The following FGD1 variants were observed in gnomAD, a reference collection of about 807,000 sequenced individuals.
FGD1 encodes the protein FYVE, RhoGEF and PH domain containing 1.
FGD1 carries 12 observed loss-of-function variants against 65.0 expected under a neutral mutation model. That is an observed-to-expected ratio of 0.18 (90% CI 0.12 to 0.30). The LOEUF (loss-of-function observed/expected upper bound fraction) is 0.30, where lower values mean the gene tolerates loss of function less well. Among genes scored for constraint, FGD1 ranks in the 10% least tolerant of loss-of-function variants. The probability of loss-of-function intolerance (pLI) is 1.00; values close to 1 mark genes in which losing one functional copy is unlikely to be tolerated. For missense variants in FGD1, 542 were observed against 837.6 expected (o/e 0.65, Z 4.36); for synonymous variants, 333 against 343.9 (o/e 0.97, Z 0.35).
At position 54,465,200 on chromosome X, in the gene FGD1, G is replaced by C. The variant is rs6521766; in HGVS notation, c.1636+251C>G. 0.081 allele frequency among the ~76,000 whole-genome samples: 8,513 copies of C among 105,104 alleles called. 703 individuals carry two copies. The highest frequency in any genetic ancestry group is 0.25 in the African/African-American group (7,258 of 29,019). 91.3% of individuals were successfully genotyped at this position (105,104 alleles called of 115,157 possible). Reference sequence around the variant, plus strand: ...TCTGAATGTTCTCTACAGGTATTCAGGCAGGGGTCTCAACTTAGAGGTCCC... The same window carrying C: ...TCTGAATGTTCTCTACAGGTATTCACGCAGGGGTCTCAACTTAGAGGTCCC... On this transcript the variant is annotated intron_variant, in intron 8 of 17. Transcript: ENST00000375135.
intron 13 of FGD1, among the ~76,000 whole-genome samples, 163 bp downstream of exon 13, chrX:54,450,108 C>T (rs1922343603): frequency 8.9e-6 from 1 of 111,801 alleles, no homozygotes; most frequent in Admixed American, 9.5e-5. Context: ...TCAACCTCTG[C>T]ACCTCAGTTT....
At chrX:54,486,140 G>T (rs896001061) in intron 1 of FGD1, among the ~76,000 whole-genome samples, 1 of 110,656 alleles carries the variant, frequency 9.0e-6, no homozygotes, top group Non-Finnish European at 1.9e-5. Context: ...AGGCTGGAGC[G>T]CAGTGGCACA....
chrX:54,472,273 G>A lies in FGD1; in HGVS notation c.308-786C>T, dbSNP rs780368519. ...AGCCTGGACAAAAGAGCAAGACGCT[G>A]TCTCAAGAAAAAAAAAAAAAAGAAG... On this transcript the variant is annotated intron_variant, in intron 1 of 17. Transcript: ENST00000375135. Among the ~76,000 whole-genome samples the A allele has an allele frequency of 3.1e-4, 31 of 100,606 alleles. No individual in the cohort carries two copies. In the Admixed American group the frequency reaches 3.3e-3, roughly 11 times the overall value. 87.4% of individuals were successfully genotyped at this position (100,606 alleles called of 115,157 possible). A position where few individuals can be genotyped will look rare whatever the true frequency, so the allele number is the denominator to read the frequency against.
At chrX:54,454,771 T>C (rs1295526962) in intron 12 of FGD1, among the ~76,000 whole-genome samples, 1 of 111,540 alleles carries the variant, frequency 9.0e-6, no homozygotes, top group African/African-American at 3.3e-5. Flanking sequence ...TATATGTGTA[T>C]GTATGTATAT....
chrX:54,495,082 G>A (rs996944117), intron 1 of FGD1, 44 bp downstream of exon 1: 76 of 1,139,385 alleles, frequency 6.7e-5, no homozygotes, highest in Non-Finnish European at 7.0e-5. Flanking sequence ...CCCAGTACCA[G>A]GCCCGTGGCC....
chrX:54,456,087 T>G, intron 10 of FGD1, 133 bp downstream of exon 10: 1 of 677,194 alleles, frequency 1.5e-6, no homozygotes, highest in Non-Finnish European at 2.2e-6. Context: ...TAGCAGGAGG[T>G]ATAGTCTGTT....
At chrX:54,467,972 G>C in intron 5 of FGD1, 40 bp from the exon 6 acceptor site, 1 of 1,149,745 alleles carries the variant, frequency 8.7e-7, no homozygotes, top group East Asian at 3.2e-5. Context: ...AGCTGGGCCT[G>C]GGGCTTGGCT....
chrX:54,463,412 T>G, intron 8 of FGD1, among the ~76,000 whole-genome samples: 1 of 111,546 alleles, frequency 9.0e-6, no homozygotes, highest in Non-Finnish European at 1.9e-5. Context: ...AAAGAATGTA[T>G]CCTGAATCCA....
chrX:54,462,688 G>A (rs1186822429), intron 8 of FGD1, among the ~76,000 whole-genome samples: 1 of 108,710 alleles, frequency 9.2e-6, no homozygotes, highest in Non-Finnish European at 1.9e-5. Flanking sequence ...CACCACGCCC[G>A]GCCTCGAACC....
chrX:54,448,871 C>T lies in FGD1; in HGVS notation c.2371G>A (p.Gly791Arg), dbSNP rs2147422932. 8.3e-7 allele frequency: 1 copy of T among 1,211,546 alleles called. No homozygotes were observed. Among genetic ancestry groups the T allele is most frequent in the Non-Finnish European group, 1.1e-6 (1 of 895,292 alleles). Residue 791 changes from glycine (G) to arginine (R), a missense_variant, in exon 16 of 18, where the codon GGG becomes AGG. Physicochemically the swap from Gly to Arg is moderately radical, Grantham distance 125. Around this residue, in one of 6 missense-constraint regions of FGD1, gnomAD observed 182 missense variants for 311.4 expected, o/e 0.58. Coordinates refer to ENST00000375135, the MANE Select transcript of FGD1 (RefSeq NM_004463.3). Reference sequence around the variant, plus strand: ...CAGGCTGGACTGCTCCCAGGCACCCCGTGCAAGGCCACATAGCAATCAGTG... The same window carrying T: ...CAGGCTGGACTGCTCCCAGGCACCCTGTGCAAGGCCACATAGCAATCAGTG... The part of the protein sequence containing the change: ...VCTDCYVALH[G>R]VPGSSPACSQ...
intron 9 of FGD1, 35 bp from the exon 10 acceptor site, chrX:54,456,401 G>A: frequency 8.3e-7 from 1 of 1,210,985 alleles, no homozygotes; most frequent in African/African-American, 1.7e-5. Flanking sequence ...GCACGGTTGG[G>A]GTGCCAGCCT....
chrX:54,450,963 C>T (rs1469956662), intron 12 of FGD1, among the ~76,000 whole-genome samples: 1 of 110,163 alleles, frequency 9.1e-6, no homozygotes, highest in African/African-American at 3.3e-5. Context: ...GCATGAGAAT[C>T]GCTTGAGCCC....
At chrX:54,464,561 A>T (rs1347659277) in intron 8 of FGD1, among the ~76,000 whole-genome samples, 1 of 111,829 alleles carries the variant, frequency 8.9e-6, no homozygotes, top group African/African-American at 3.3e-5. Context: ...ATGCACAAAA[A>T]CATGGAGGTG....
rs1325164283 is a variant in FGD1 at position 54,455,775 on chromosome X, G to A, written c.1852C>T (p.Arg618Cys). ...QDRYLILFNDRLLYCVPRLRL... is the reference protein window; with the variant it reads ...QDRYLILFNDCLLYCVPRLRL... ...AGCCTGGGCACGCAGTAAAGGAGGCGGTCGTTGAACTAGGAAGGAAAAAGT... is the reference window on the plus strand; with the variant it reads ...AGCCTGGGCACGCAGTAAAGGAGGCAGTCGTTGAACTAGGAAGGAAAAAGT... The change falls in exon 11 of 18, where the codon CGC (arginine) becomes TGC (cysteine). Residue 618 changes from arginine (R) to cysteine (C), a missense_variant. Physicochemically the swap from Arg to Cys is radical, Grantham distance 180. Transcript: ENST00000375135. The A allele has an allele frequency of 8.5e-7, 1 of 1,180,803 alleles. No homozygotes were observed. The highest frequency in any genetic ancestry group is 1.1e-6 in the Non-Finnish European group (1 of 878,339).
At chrX:54,449,111 C>T in intron 15 of FGD1, 32 bp downstream of exon 15, 2 of 1,211,998 alleles carry the variant, frequency 1.7e-6, no homozygotes. Flanking sequence ...TCTGTCCCCT[C>T]CCTAGCTCTG....
intron 1 of FGD1, among the ~76,000 whole-genome samples, chrX:54,475,108 G>T (rs1363176849): frequency 1.8e-5 from 2 of 112,012 alleles, no homozygotes; most frequent in Non-Finnish European, 3.8e-5. Flanking sequence ...CATCTCACCT[G>T]ACAGCCCACA....
chrX:54,456,316 C>T lies in FGD1; in HGVS notation c.1746G>A (p.Glu582=), dbSNP rs1299711930. The part of the protein sequence containing the change: ...LKVYELLGGE[E]DIVSPTKELI... The stretch of plus-strand genomic sequence containing the variant: ...GCTCTTTGGTGGGGCTGACAATGTC[C>T]TCCTCGCCCCCTAACAGCTCATATA... Residue 582 remains glutamate, a synonymous_variant, in exon 10 of 18, where the codon GAG becomes GAA. Coordinates refer to ENST00000375135, the MANE Select transcript of FGD1 (RefSeq NM_004463.3). 7 of 1,209,077 alleles carry T rather than the reference C, an allele frequency of 5.8e-6. No individual in the cohort carries two copies. In the South Asian group the frequency reaches 1.2e-4, roughly 21 times the overall value.
intron 1 of FGD1, among the ~76,000 whole-genome samples, chrX:54,475,362 C>G (rs1311578764): frequency 8.9e-6 from 1 of 111,780 alleles, no homozygotes; most frequent in African/African-American, 3.2e-5. Flanking sequence ...TCTTATTAAC[C>G]CTGCTCTCCA....
chrX:54,463,516 T>C (rs1922686045), intron 8 of FGD1, among the ~76,000 whole-genome samples: 1 of 111,684 alleles, frequency 9.0e-6, no homozygotes, highest in African/African-American at 3.3e-5. Context: ...ATCTCTCAGC[T>C]CTCTCTCTCT....
Sources: gnomAD v4.1 joint callset for allele counts (sites outside exome capture counted in the v4.1 genomes callset) on GRCh38, gnomAD v4.1.1 for gene constraint, gnomAD v4.1.1 regional missense constraint, MANE v1.5 for transcripts, NCBI Gene and HGNC (gene_info 2026-07-23, HGNC 2026-07-21) for gene names.